The following BRINP3 variants were observed in gnomAD, a reference collection of about 807,000 sequenced individuals.
The protein encoded by BRINP3 is BMP/retinoic acid-inducible neural-specific protein 3.
BRINP3 carries 19 observed loss-of-function variants against 71.0 expected under a neutral mutation model. The observed-to-expected ratio is 0.27, with a 90% CI of 0.19 to 0.39. The LOEUF (loss-of-function observed/expected upper bound fraction) is 0.39. BRINP3 is among the 10% of genes least tolerant of loss of function. BRINP3 has a pLI of 1.00. For synonymous variants in BRINP3, 380 were observed against 337.7 expected (o/e 1.13, Z -1.37); for missense variants, 959 against 940.8 (o/e 1.02, Z -0.25).
intron 4 of BRINP3, among the ~76,000 whole-genome samples, chr1:190,239,985 CA>C (rs1330206557): frequency 6.6e-6 from 1 of 151,176 alleles, no homozygotes; most frequent in Non-Finnish European, 1.5e-5. Context: ...TAGAATACGT[CA>C]TTTTTTTTTT....
intron 2 of BRINP3, among the ~76,000 whole-genome samples, chr1:190,358,813 A>G (rs889922682): frequency 2.6e-5 from 4 of 152,192 alleles, no homozygotes; most frequent in African/African-American, 9.6e-5. Context: ...CATATACACC[A>G]TGGAATACTA....
At chr1:190,422,083 T>C (rs574264566) in intron 2 of BRINP3, among the ~76,000 whole-genome samples, 2 of 151,926 alleles carry the variant, frequency 1.3e-5, no homozygotes, top group South Asian at 4.1e-4. Context: ...TGCCTCTTAA[T>C]AATTGACCTG....
chr1:190,282,119 G>T (rs1663086909), intron 2 of BRINP3, among the ~76,000 whole-genome samples: 1 of 151,728 alleles, frequency 6.6e-6, no homozygotes, highest in Non-Finnish European at 1.5e-5. Context: ...TGGAAAAAAA[G>T]AATGATTTAT....
intron 6 of BRINP3, among the ~76,000 whole-genome samples, chr1:190,207,037 A>C (rs181235462): frequency 6.6e-6 from 1 of 151,756 alleles, no homozygotes. Flanking sequence ...AAAAAATTCA[A>C]AATAAGTAAG....
intron 4 of BRINP3, among the ~76,000 whole-genome samples, chr1:190,235,907 A>G (rs1415316401): frequency 6.6e-6 from 1 of 151,910 alleles, no homozygotes; most frequent in Non-Finnish European, 1.5e-5. Context: ...GACACCTCTC[A>G]CTAGAATGAG....
chr1:190,146,342 T>G (rs1240282186), intron 7 of BRINP3, among the ~76,000 whole-genome samples: 1 of 152,216 alleles, frequency 6.6e-6, no homozygotes, highest in Non-Finnish European at 1.5e-5. Context: ...TGTCTTGGTA[T>G]ACCTTCTCCT....
intron 2 of BRINP3, among the ~76,000 whole-genome samples, chr1:190,447,060 A>G (rs1171920774): frequency 6.6e-6 from 1 of 151,906 alleles, no homozygotes; most frequent in African/African-American, 2.4e-5. Flanking sequence ...TGCAATATAC[A>G]TGAAAGAGAA....
intron 6 of BRINP3, among the ~76,000 whole-genome samples, chr1:190,178,432 T>C (rs1052994446): frequency 1.3e-5 from 2 of 152,174 alleles, no homozygotes; most frequent in African/African-American, 4.8e-5. Flanking sequence ...GCAATTGTTT[T>C]TGTATAAGCT....
chr1:190,295,531 T>C (rs1213145137), intron 2 of BRINP3, among the ~76,000 whole-genome samples: 1 of 152,162 alleles, frequency 6.6e-6, no homozygotes, highest in African/African-American at 2.4e-5. Flanking sequence ...TACAGCCTGC[T>C]TGCCACTGAA....
chr1:190,138,160 G>A (rs941973351), intron 7 of BRINP3, among the ~76,000 whole-genome samples: 2 of 151,978 alleles, frequency 1.3e-5, no homozygotes, highest in African/African-American at 4.8e-5. Flanking sequence ...CTCCATGTTG[G>A]TCAGTCTGGT....
chr1:190,411,762 G>T (rs1672677085), intron 2 of BRINP3, among the ~76,000 whole-genome samples: 1 of 152,142 alleles, frequency 6.6e-6, no homozygotes. Context: ...GAAATAACAG[G>T]ATACCTGATA....
intron 2 of BRINP3, among the ~76,000 whole-genome samples, chr1:190,440,679 T>C (rs965878059): frequency 4.6e-5 from 7 of 152,038 alleles, no homozygotes; most frequent in Non-Finnish European, 7.4e-5. Context: ...ACCTCAGTTC[T>C]ATAACGTCAA....
At chr1:190,311,153 A>C (rs1343210116) in intron 2 of BRINP3, among the ~76,000 whole-genome samples, 1 of 151,762 alleles carries the variant, frequency 6.6e-6, no homozygotes, top group African/African-American at 2.4e-5. Context: ...AGCAAGCACA[A>C]GGTCCCATGT....
At chr1:190,385,517 A>T (rs2102275010) in intron 2 of BRINP3, among the ~76,000 whole-genome samples, 1 of 152,036 alleles carries the variant, frequency 6.6e-6, no homozygotes, top group East Asian at 2.0e-4. Context: ...AATGCAAATC[A>T]AAACCACAAT....
intron 2 of BRINP3, among the ~76,000 whole-genome samples, chr1:190,448,344 C>A (rs1360230827): frequency 6.6e-6 from 1 of 151,506 alleles, no homozygotes. Context: ...GTATACATTG[C>A]ATGACCGTAT....
At chr1:190,209,896 G>A (rs1263532779) in intron 6 of BRINP3, among the ~76,000 whole-genome samples, 1 of 152,072 alleles carries the variant, frequency 6.6e-6, no homozygotes, top group African/African-American at 2.4e-5. Flanking sequence ...GTATGCTTTA[G>A]TAGAAAAATG....
chr1:190,327,575 T>A (rs1666696644), intron 2 of BRINP3, among the ~76,000 whole-genome samples: 2 of 149,958 alleles, frequency 1.3e-5, no homozygotes, highest in Non-Finnish European at 3.0e-5. Context: ...GGAAAAAATA[T>A]AAAGAATTCA....
chr1:190,308,252 G>A lies in BRINP3; in HGVS notation c.237-26502C>T, dbSNP rs79490691. 8.1e-3 allele frequency among the ~76,000 whole-genome samples: 1,238 copies of A among 151,916 alleles called. 26 individuals carry two copies. The highest frequency in any genetic ancestry group is 0.029 in the African/African-American group (1,189 of 41,430). ...GCAACCTAAACATAATTTTGCTTTT[G>A]AGAAGACATAAGAACACTTGTATAT... is the stretch of plus-strand genomic sequence containing the variant. On this transcript the variant is annotated intron_variant, in intron 2 of 7. Transcript: ENST00000367462.
chr1:190,246,601 C>G (rs542047999), intron 4 of BRINP3, among the ~76,000 whole-genome samples: 78 of 152,030 alleles, frequency 5.1e-4, no homozygotes, highest in Admixed American at 9.2e-4. Context: ...AGACTACAAA[C>G]TAAAATTACT....
Sources: gnomAD v4.1 joint callset for allele counts (sites outside exome capture counted in the v4.1 genomes callset) on GRCh38, gnomAD v4.1.1 for gene constraint, MANE v1.5 for transcripts, NCBI Gene and HGNC (gene_info 2026-07-23, HGNC 2026-07-21) for gene names.